Variants in OPRM1 observed in about 807,000 individuals in gnomAD.
The protein encoded by OPRM1 is opioid receptor mu 1.
Under a neutral mutation model 31.8 loss-of-function variants are expected in OPRM1, and 27 were observed. That is an observed-to-expected ratio of 0.85 (90% CI 0.63 to 1.17). The LOEUF (loss-of-function observed/expected upper bound fraction) is 1.17, where lower values mean the gene tolerates loss of function less well. Among genes scored for constraint, OPRM1 ranks in the 50% most tolerant of loss-of-function variants. The pLI is 0.00. For missense variants in OPRM1, 536 were observed against 511.1 expected (o/e 1.05, Z -0.47); for synonymous variants, 196 against 189.9 (o/e 1.03, Z -0.26).
At chr6:154,200,106 C>A in intron 3 of OPRM1, 1 of 1,419,026 alleles carries the variant, frequency 7.0e-7, no homozygotes, top group Non-Finnish European at 9.4e-7. Flanking sequence ...CATTCTCTAC[C>A]TTTTATTTTC....
chr6:154,157,046 C>T (rs1223209531), intron 3 of OPRM1: 2 of 152,216 alleles, frequency 1.3e-5, no homozygotes, highest in African/African-American at 2.4e-5. Flanking sequence ...GCCCTTGGAC[C>T]CCAGGAAACT....
chr6:154,060,610 T>G (rs923763711), intron 1 of OPRM1, among the ~76,000 whole-genome samples: 4 of 152,160 alleles, frequency 2.6e-5, no homozygotes, highest in African/African-American at 9.7e-5. Flanking sequence ...TGTATCAATA[T>G]GATAGTCTGA....
chr6:154,091,115 C>T lies in OPRM1; in HGVS notation c.807C>T (p.Gly269=). The T allele has an allele frequency of 6.2e-7, 1 of 1,614,174 alleles. No individual in the cohort carries two copies. Among genetic ancestry groups the T allele is most frequent in the Non-Finnish European group, 8.5e-7 (1 of 1,180,030 alleles). ...TCAAGAGTGTCCGCATGCTCTCTGG[C>T]TCCAAAGAAAAGGACAGGAATCTTC... ...LRLKSVRMLS[G]SKEKDRNLRR... is the part of the protein sequence containing the mutation. Residue 269 remains glycine, a synonymous_variant, in exon 3 of 4, where the codon GGC becomes GGT. Coordinates refer to ENST00000330432, the MANE Select transcript of OPRM1 (RefSeq NM_000914.5).
intron 3 of OPRM1, among the ~76,000 whole-genome samples, chr6:154,167,288 G>C (rs1799518973): frequency 6.6e-6 from 1 of 152,202 alleles, no homozygotes; most frequent in Non-Finnish European, 1.5e-5. Flanking sequence ...TCAGCTCAGG[G>C]AGGGCCTGAA....
intron 3 of OPRM1, among the ~76,000 whole-genome samples, chr6:154,203,398 C>G (rs1777231809): frequency 6.6e-6 from 1 of 152,148 alleles, no homozygotes; most frequent in Non-Finnish European, 1.5e-5. Context: ...ACACAGTTGT[C>G]CCTTGAACAG....
chr6:154,112,938 A>G (rs1796497598), intron 3 of OPRM1, among the ~76,000 whole-genome samples: 2 of 152,292 alleles, frequency 1.3e-5, no homozygotes, highest in East Asian at 1.9e-4. Context: ...AGGATCCCCG[A>G]CCCAATTAAA....
At chr6:154,093,230 A>T (rs746597150) in intron 3 of OPRM1, 26 of 1,545,174 alleles carry the variant, frequency 1.7e-5, no homozygotes, top group Non-Finnish European at 1.8e-5. Context: ...ATTGGAGCAA[A>T]ATAATGGCCA....
At chr6:154,174,497 C>CA (rs921549221) in intron 3 of OPRM1, among the ~76,000 whole-genome samples, 5 of 148,064 alleles carry the variant, frequency 3.4e-5, no homozygotes, top group South Asian at 2.1e-4. Context: ...AAATGGAAAG[C>CA]AAAAAAAAAG....
At chr6:154,134,889 G>T (rs933660164), downstream of OPRM1, among the ~76,000 whole-genome samples, 10 of 152,102 alleles carry the variant, frequency 6.6e-5, no homozygotes, top group African/African-American at 2.4e-4. Context: ...TAACCCAGTT[G>T]TCAAAAATAG....
intron 3 of OPRM1, among the ~76,000 whole-genome samples, chr6:154,236,042 A>G (rs905008883): frequency 1.3e-5 from 2 of 152,218 alleles, no homozygotes; most frequent in Admixed American, 6.5e-5. Context: ...TGATCCAGCA[A>G]TTCCACCTCT....
At chr6:154,057,228 A>G (rs533111389) in intron 1 of OPRM1, among the ~76,000 whole-genome samples, 11 of 152,342 alleles carry the variant, frequency 7.2e-5, no homozygotes, top group Admixed American at 1.3e-4. Context: ...TAAAGAATAA[A>G]CATGAACTAC....
intron 1 of OPRM1, chr6:154,073,850 A>G (rs1251624572): frequency 1.3e-5 from 2 of 152,186 alleles, no homozygotes; most frequent in Non-Finnish European, 2.9e-5. Flanking sequence ...TAAAAATACA[A>G]AAATTAGCCA....
chr6:154,110,405 G>C (rs1796211497), intron 3 of OPRM1: 1 of 1,509,160 alleles, frequency 6.6e-7, no homozygotes, highest in Non-Finnish European at 9.0e-7. Flanking sequence ...AGCATACCAA[G>C]GGCTAATAAT....
chr6:154,027,965 C>T (rs1055673307), intron 1 of OPRM1, among the ~76,000 whole-genome samples: 1 of 152,162 alleles, frequency 6.6e-6, no homozygotes, highest in African/African-American at 2.4e-5. Context: ...GTACTCTACC[C>T]CACTGTGGCC....
intron 3 of OPRM1, among the ~76,000 whole-genome samples, chr6:154,148,318 T>G (rs1017827551): frequency 3.3e-5 from 5 of 152,228 alleles, no homozygotes; most frequent in African/African-American, 1.2e-4. Context: ...TCCAAGCTAA[T>G]CAAGTTGCCA....
At position 154,090,099 on chromosome 6, in the gene OPRM1, T is replaced by C. The variant is rs1246407348; in HGVS notation, c.564T>C (p.Ile188=). ...LDFRTPRNAK[I]INVCNWILSS... is the part of the protein sequence containing the mutation. ...TCCGTACTCCCCGAAATGCCAAAAT[T>C]ATCAATGTCTGCAACTGGATCCTCT... Residue 188 remains isoleucine, a synonymous_variant, in exon 2 of 4, where the codon ATT becomes ATC. Coordinates refer to ENST00000330432, the MANE Select transcript of OPRM1 (RefSeq NM_000914.5). The C allele has an allele frequency of 1.2e-6, 2 of 1,614,140 alleles. No homozygotes were observed. Among genetic ancestry groups the C allele is most frequent in the Non-Finnish European group, 1.7e-6 (2 of 1,180,004 alleles).
At chr6:154,032,910 G>C (rs1473285721) in intron 1 of OPRM1, among the ~76,000 whole-genome samples, 1 of 152,192 alleles carries the variant, frequency 6.6e-6, no homozygotes, top group African/African-American at 2.4e-5. Flanking sequence ...AGTTATTTAA[G>C]TGGAAATGTC....
chr6:154,118,380 AAG>A (rs1274522706), intron 3 of OPRM1, among the ~76,000 whole-genome samples: 5 of 152,340 alleles, frequency 3.3e-5, no homozygotes, highest in East Asian at 1.9e-4. Flanking sequence ...AAGGGGGAGA[AAG>A]AGTTTCAATT....
At chr6:154,073,657 G>C (rs972712434) in intron 1 of OPRM1, 1 of 152,324 alleles carries the variant, frequency 6.6e-6, no homozygotes, top group African/African-American at 2.4e-5. Context: ...ACAGCAAACA[G>C]AAGAATTTAC....
Sources: allele counts gnomAD v4.1 joint callset (sites outside exome capture counted in the v4.1 genomes callset), GRCh38; gene constraint gnomAD v4.1.1; transcripts MANE v1.5; gene names NCBI Gene and HGNC (gene_info 2026-07-23, HGNC 2026-07-21).